Variants in MIPOL1 observed in about 807,000 individuals in gnomAD.
MIPOL1 encodes the protein mirror-image polydactyly gene 1 protein.
Under a neutral mutation model 60.9 loss-of-function variants are expected in MIPOL1, and 57 were observed. That is an observed-to-expected ratio of 0.94 (90% CI 0.76 to 1.17). MIPOL1 has a LOEUF of 1.17. MIPOL1 is among the 50% of genes most tolerant of loss of function. The pLI, the probability that MIPOL1 is intolerant of heterozygous loss-of-function variation, is 0.00. For synonymous variants in MIPOL1, 179 were observed against 168.8 expected (o/e 1.06, Z -0.47); for missense variants, 551 against 511.6 (o/e 1.08, Z -0.74).
intron 9 of MIPOL1, among the ~76,000 whole-genome samples, chr14:37,353,302 G>GTT (rs2091547022): frequency 2.4e-5 from 2 of 85,080 alleles, no homozygotes; most frequent in African/African-American, 9.1e-5. Flanking sequence ...GCTGGATTCG[G>GTT]TTTGCCAGTA....
chr14:37,203,607 T>A (rs1965636021), intron 1 of MIPOL1, among the ~76,000 whole-genome samples: 1 of 152,142 alleles, frequency 6.6e-6, no homozygotes, highest in African/African-American at 2.4e-5. Flanking sequence ...ACTTCTCAGA[T>A]TAGATTACAA....
intron 9 of MIPOL1, among the ~76,000 whole-genome samples, chr14:37,338,369 C>G (rs1200908324): frequency 6.6e-6 from 1 of 151,620 alleles, no homozygotes; most frequent in Admixed American, 6.6e-5. Context: ...CTTGGCCTCC[C>G]AAAGTGCTGG....
rs537454453 is a variant in MIPOL1, at chr14:37,490,346, G to T, written c.1032-9562G>T. ...GAGGTCGACCTCATACTCCTGTACT[G>T]GCAATGAGAATTTCAAGCCAGTGGA... On this transcript the variant is annotated intron_variant, in intron 11 of 12. Transcript: ENST00000684589. Among the ~76,000 whole-genome samples, 10 of 152,266 alleles carry T rather than the reference G, an allele frequency of 6.6e-5. No homozygotes were observed. In the East Asian group the frequency reaches 1.4e-3, roughly 21 times the overall value.
At chr14:37,252,666 C>A (rs1234817447) in intron 3 of MIPOL1, among the ~76,000 whole-genome samples, 1 of 151,850 alleles carries the variant, frequency 6.6e-6, no homozygotes, top group Non-Finnish European at 1.5e-5. Context: ...ATTCATTTAT[C>A]TTTCTCTCTG....
chr14:37,385,990 A>G (rs2093056651), intron 10 of MIPOL1, among the ~76,000 whole-genome samples: 1 of 151,978 alleles, frequency 6.6e-6, no homozygotes, highest in Non-Finnish European at 1.5e-5. Flanking sequence ...GTTTTTAAAA[A>G]TATGTTTATA....
chr14:37,434,991 TA>T (rs2094141513), intron 11 of MIPOL1, among the ~76,000 whole-genome samples: 1 of 152,002 alleles, frequency 6.6e-6, no homozygotes, highest in African/African-American at 2.4e-5. Context: ...TAGGGCCAGG[TA>T]AAAATTACCC....
chr14:37,266,458 C>A (rs778037483), intron 3 of MIPOL1, among the ~76,000 whole-genome samples: 9 of 152,040 alleles, frequency 5.9e-5, no homozygotes, highest in Non-Finnish European at 1.2e-4. Context: ...CTAAGGAAAG[C>A]CTCTATATCA....
chr14:37,270,310 A>C (rs1842462133), intron 5 of MIPOL1, 110 bp from the exon 6 acceptor site: 2 of 491,900 alleles, frequency 4.1e-6, no homozygotes, highest in African/African-American at 4.0e-5. Context: ...CTATCTAGGA[A>C]GTTAAATATA....
chr14:37,213,846 A>AATG (rs1488818165), intron 1 of MIPOL1, among the ~76,000 whole-genome samples: 2 of 152,300 alleles, frequency 1.3e-5, no homozygotes, highest in East Asian at 3.9e-4. Context: ...AATAACATAC[A>AATG]ATGGTGCTTC....
intron 3 of MIPOL1, 125 bp downstream of exon 3, chr14:37,248,032 AAAACATG>A: frequency 1.2e-5 from 10 of 837,880 alleles, no homozygotes; most frequent in Non-Finnish European, 1.9e-5. Context: ...ACACACACAC[AAAACATG>A]CACACAGAGA....
At chr14:37,238,884 T>C (rs1490335455) in intron 1 of MIPOL1, among the ~76,000 whole-genome samples, 1 of 151,504 alleles carries the variant, frequency 6.6e-6, no homozygotes, top group African/African-American at 2.4e-5. Flanking sequence ...GCATGGGAGC[T>C]GGAGGTTGCA....
intron 3 of MIPOL1, among the ~76,000 whole-genome samples, chr14:37,263,373 G>C (rs1304098435): frequency 6.6e-6 from 1 of 152,182 alleles, no homozygotes; most frequent in Non-Finnish European, 1.5e-5. Context: ...TCTATGCCTA[G>C]ATGAATAAAC....
intron 7 of MIPOL1, among the ~76,000 whole-genome samples, chr14:37,287,219 A>T (rs1050972489): frequency 6.7e-6 from 1 of 150,210 alleles, no homozygotes; most frequent in Non-Finnish European, 1.5e-5. Context: ...AATATTTTAT[A>T]TATATTTAAA....
At chr14:37,263,759 AC>A (rs1227004602) in intron 3 of MIPOL1, among the ~76,000 whole-genome samples, 3 of 152,232 alleles carry the variant, frequency 2.0e-5, no homozygotes, top group African/African-American at 7.2e-5. Flanking sequence ...AGAAGAGTTA[AC>A]AATGACACTG....
rs61425558 is a variant in MIPOL1 at position 37,338,108 on chromosome 14, A to ATT, written c.828+29604_828+29605dup. Among the ~76,000 whole-genome samples the ATT allele has an allele frequency of 8.5e-3, 1,140 of 134,804 alleles. 28 individuals carry two copies. Among genetic ancestry groups the ATT allele is most frequent in the East Asian group, 0.026 (121 of 4,594 alleles). 88.4% of individuals were successfully genotyped at this position (134,804 alleles called of 152,430 possible). ...AGTGGCTTTATTTTTATTTAATTTA[A>ATT]TTTTTTTTTTTTTTTTGAGACGGAG... On this transcript the variant is annotated intron_variant, in intron 9 of 12. Coordinates refer to ENST00000684589, the MANE Select transcript of MIPOL1 (RefSeq NM_001388067.1).
intron 12 of MIPOL1, among the ~76,000 whole-genome samples, chr14:37,511,001 A>G (rs745439334): frequency 2.0e-5 from 3 of 152,212 alleles, no homozygotes; most frequent in Non-Finnish European, 4.4e-5. Flanking sequence ...AATTACATTT[A>G]GAAGACCTGA....
intron 7 of MIPOL1, among the ~76,000 whole-genome samples, chr14:37,307,260 C>G (rs1202657541): frequency 6.6e-6 from 1 of 151,764 alleles, no homozygotes; most frequent in Non-Finnish European, 1.5e-5. Context: ...GAATCTATAC[C>G]TTTTCACTAA....
intron 11 of MIPOL1, among the ~76,000 whole-genome samples, chr14:37,451,438 G>C (rs1202126860): frequency 6.6e-6 from 1 of 152,014 alleles, no homozygotes; most frequent in Non-Finnish European, 1.5e-5. Flanking sequence ...ATATGATAAG[G>C]CTTTTTTAGT....
intron 11 of MIPOL1, among the ~76,000 whole-genome samples, chr14:37,474,303 T>A (rs1188398261): frequency 6.6e-6 from 1 of 152,156 alleles, no homozygotes; most frequent in Non-Finnish European, 1.5e-5. Flanking sequence ...GATCATATGG[T>A]GACATTCTTT....
Sources: allele counts gnomAD v4.1 joint callset (sites outside exome capture counted in the v4.1 genomes callset), GRCh38; gene constraint gnomAD v4.1.1; transcripts MANE v1.5; gene names NCBI Gene and HGNC (gene_info 2026-07-23, HGNC 2026-07-21).